Variants in SPNS2 observed in about 807,000 individuals in gnomAD.
SPNS2 encodes sphingosine-1-phosphate transporter SPNS2.
SPNS2 carries 37 observed loss-of-function variants against 57.6 expected under a neutral mutation model. That is an observed-to-expected ratio of 0.64 (90% confidence interval 0.49 to 0.85). The LOEUF is 0.85. Ranked by LOEUF, SPNS2 falls within the 40% of genes least tolerant of loss-of-function variation. The pLI is 0.00. For missense variants in SPNS2, 831 were observed against 779.1 expected, an observed-to-expected ratio of 1.07 and a Z score of -0.79; for synonymous variants, 440 against 346.9, an observed-to-expected ratio of 1.27 and a Z score of -2.98.
rs1905965476 is a variant in SPNS2, at chr17:4,538,069, TCA to T, written c.*623_*624del. The T allele has an allele frequency of 2.9e-6, 1 of 340,302 alleles. No homozygotes were observed. Among genetic ancestry groups the T allele is most frequent in the Non-Finnish European group, 5.9e-6 (1 of 170,906 alleles). 21.1% of individuals were successfully genotyped at this position (340,302 alleles called of 1,614,324 possible). A position where few individuals can be genotyped will look rare whatever the true frequency, so the allele number is the denominator to read the frequency against. On this transcript the variant is annotated 3_prime_UTR_variant, in exon 13 of 13. Transcript: ENST00000329078. ...TGGGTACTCCCTGGAGGACACTGTC[TCA>T]CTGTCTCGGGTTGGCTCCCAGCCTG...
intron 3 of SPNS2, among the ~76,000 whole-genome samples, chr17:4,528,633 T>C (rs1282361429): frequency 6.6e-6 from 1 of 152,008 alleles, no homozygotes; most frequent in Non-Finnish European, 1.5e-5. Flanking sequence ...ACTGCCACCA[T>C]GCCCAGCTAA....
chr17:4,524,938 T>C, intron 2 of SPNS2, 119 bp from the exon 3 acceptor site: 1 of 1,447,866 alleles, frequency 6.9e-7, no homozygotes, highest in Non-Finnish European at 9.3e-7. Flanking sequence ...GTTTCCTCTC[T>C]GGGCTGCTTC....
At chr17:4,536,235 C>T (rs756143017) in intron 10 of SPNS2, 28 bp from the exon 11 acceptor site, 131 of 1,609,768 alleles carry the variant, frequency 8.1e-5, no homozygotes, top group Non-Finnish European at 1.1e-4. Context: ...AGGGCTCTGC[C>T]CTGACATCCA....
chr17:4,515,614 G>A (rs62064923), intron 2 of SPNS2, among the ~76,000 whole-genome samples: 31 of 152,246 alleles, frequency 2.0e-4, no homozygotes, highest in Admixed American at 5.9e-4. Flanking sequence ...GAAGCCAGTC[G>A]AGTAGACCAT....
In SPNS2 at chr17:4,530,883, T is replaced by G. The variant is rs1905436976; in HGVS notation, c.725+100T>G. 7 of 1,504,226 alleles carry G rather than the reference T, an allele frequency of 4.7e-6. No individual in the cohort carries two copies. The East Asian group carries it at 1.6e-4, about 35-fold the overall frequency. The allele number at this position is 1,504,226 out of a possible 1,614,324, so 93.2% of individuals were successfully genotyped here. On this transcript the variant is annotated intron_variant, in intron 4 of 12. Coordinates refer to ENST00000329078, the MANE Select transcript of SPNS2 (RefSeq NM_001124758.3). ...CCTGGGGTTCTAGCCCAGGCAGGCGTCCTCAGAGAGCTAAACATGTGGGCG... is the reference window on the plus strand; with the variant it reads ...CCTGGGGTTCTAGCCCAGGCAGGCGGCCTCAGAGAGCTAAACATGTGGGCG...
rs1904827289 is a variant in SPNS2 at position 4,511,463 on chromosome 17, A to G, written c.371-1784A>G. On this transcript the variant is annotated intron_variant, in intron 1 of 12. Transcript: ENST00000329078. The surrounding 1 kb of genome is among the most constrained non-coding windows in gnomAD (Gnocchi z 4.6). ...GCAGGGCCACACCTTCACCCTGTGAAGTGACTGTGCCACAGAGGGATGGGA... is the reference window on the plus strand; with the variant it reads ...GCAGGGCCACACCTTCACCCTGTGAGGTGACTGTGCCACAGAGGGATGGGA... Among the ~76,000 whole-genome samples, 2 of 152,164 alleles carry G rather than the reference A, an allele frequency of 1.3e-5. No homozygotes were observed. Among genetic ancestry groups the G allele is most frequent in the African/African-American group, 4.8e-5 (2 of 41,434 alleles).
intron 2 of SPNS2, among the ~76,000 whole-genome samples, chr17:4,520,379 G>A (rs192515972): frequency 8.1e-4 from 124 of 152,326 alleles, no homozygotes; most frequent in African/African-American, 2.7e-3. Context: ...GGCAAGAGGA[G>A]AGAATGGAGC....
chr17:4,536,033 A>C (rs749743570), intron 9 of SPNS2, 43 bp from the exon 10 acceptor site: 1 of 1,572,796 alleles, frequency 6.4e-7, no homozygotes. Flanking sequence ...CAAGCGCGTG[A>C]GCCTTTCTCC....
At position 4,498,994 on chromosome 17, in the gene SPNS2, C is replaced by G; in HGVS notation, c.-54C>G. ...GCGGCGCACGCACGCGCTGAGCGGG[C>G]CCAGCCTGGGCCCCGCGCCCCCCGC... On this transcript the variant is annotated 5_prime_UTR_variant, in exon 1 of 13. Transcript: ENST00000329078. 4.1e-6 allele frequency: 4 copies of G among 974,720 alleles called. No homozygotes were observed. The highest frequency in any genetic ancestry group is 1.2e-4 in the Admixed American group (2 of 16,310). The allele number at this position is 974,720 out of a possible 1,614,324, so 60.4% of individuals were successfully genotyped here.
chr17:4,530,958 T>G (rs1597368599), intron 4 of SPNS2, 95 bp from the exon 5 acceptor site: 1 of 1,493,560 alleles, frequency 6.7e-7, no homozygotes, highest in Middle Eastern at 2.0e-4. Flanking sequence ...GCTGGCTGGG[T>G]GGGGAGGGTG....
In SPNS2 at chr17:4,536,188, G is replaced by A. The variant is rs745626563; in HGVS notation, c.1443+14G>A. 1 of 1,610,118 alleles carries A rather than the reference G, an allele frequency of 6.2e-7. No individual in the cohort carries two copies. The highest frequency in any genetic ancestry group is 8.5e-7 in the Non-Finnish European group (1 of 1,178,738). On this transcript the variant is annotated intron_variant, in intron 10 of 12. Transcript: ENST00000329078. ...CTCATTGGCTTTGTGAGTAGCCCCG[G>A]GGTGGGGCTGGCCAGGGCAGGCTGG...
Position 4,538,634 on chromosome 17 carries a change from GGGTGGGGGGTGA to G in SPNS2, c.*1189_*1200del. 8.1e-6 allele frequency: 4 copies of G among 496,764 alleles called. No individual in the cohort carries two copies. The South Asian group carries it at 9.1e-5, about 11-fold the overall frequency. The allele number at this position is 496,764 out of a possible 1,614,324, so 30.8% of individuals were successfully genotyped here. A position where few individuals can be genotyped will look rare whatever the true frequency, so the allele number is the denominator to read the frequency against. On this transcript the variant is annotated 3_prime_UTR_variant, in exon 13 of 13. Coordinates refer to ENST00000329078, the MANE Select transcript of SPNS2 (RefSeq NM_001124758.3). Reference sequence around the variant, plus strand: ...TCAAGGTGGTTCTGGTGCGGGGGTGGGGTGGGGGGTGAGGCCTTGTGGCCAATGGGGGACCCC... The same window carrying G: ...TCAAGGTGGTTCTGGTGCGGGGGTGGGGCCTTGTGGCCAATGGGGGACCCC...
At chr17:4,536,202 A>AG (rs746763727) in intron 10 of SPNS2, 28 bp downstream of exon 10, 33 of 1,607,200 alleles carry the variant, frequency 2.1e-5, no homozygotes, top group South Asian at 8.8e-5. Context: ...GGGGCTGGCC[A>AG]GGGCAGGCTG....
Position 4,538,558 on chromosome 17 carries a change from T to G in SPNS2, c.*1110T>G. ...AACTTCACACCAGCCCCAACCCGCTTTGGGGGAGCTTAGCCCCCTGCGTCA... is the reference window on the plus strand; with the variant it reads ...AACTTCACACCAGCCCCAACCCGCTGTGGGGGAGCTTAGCCCCCTGCGTCA... On this transcript the variant is annotated 3_prime_UTR_variant, in exon 13 of 13. Transcript: ENST00000329078. The G allele has an allele frequency of 2.9e-6, 1 of 348,730 alleles. No individual in the cohort carries two copies. Among genetic ancestry groups the G allele is most frequent in the Non-Finnish European group, 5.3e-6 (1 of 187,104 alleles). 21.6% of individuals were successfully genotyped at this position (348,730 alleles called of 1,614,324 possible). A position where few individuals can be genotyped will look rare whatever the true frequency, so the allele number is the denominator to read the frequency against.
In SPNS2 at chr17:4,511,495, C is replaced by T. The variant is rs1407034302; in HGVS notation, c.371-1752C>T. Among the ~76,000 whole-genome samples, 1 of 152,166 alleles carries T rather than the reference C, an allele frequency of 6.6e-6. No homozygotes were observed. Among genetic ancestry groups the T allele is most frequent in the African/African-American group, 2.4e-5 (1 of 41,430 alleles). The stretch of plus-strand genomic sequence containing the variant: ...GTGCCACAGAGGGATGGGATCAAAC[C>T]TACACATCAGGAGGGGGAACAGAGT... On this transcript the variant is annotated intron_variant, in intron 1 of 12. Coordinates refer to ENST00000329078, the MANE Select transcript of SPNS2 (RefSeq NM_001124758.3). This position sits in a 1 kb window ranked among gnomAD's most constrained non-coding sequence, Gnocchi z 4.6.
At chr17:4,514,577 G>A (rs558890704) in intron 2 of SPNS2, among the ~76,000 whole-genome samples, 1 of 152,316 alleles carries the variant, frequency 6.6e-6, no homozygotes, top group African/African-American at 2.4e-5. Context: ...AGACTTGACT[G>A]TTCTAGGATG....
intron 9 of SPNS2, among the ~76,000 whole-genome samples, chr17:4,535,553 G>A (rs908597113): frequency 2.6e-5 from 4 of 152,216 alleles, no homozygotes; most frequent in African/African-American, 7.2e-5. Context: ...AGCAGGAGCC[G>A]CGCTGGAGAG....
At position 4,531,461 on chromosome 17, in the gene SPNS2, C is replaced by G. The variant is rs1335392750; in HGVS notation, c.792+342C>G. On this transcript the variant is annotated intron_variant, in intron 5 of 12. Coordinates refer to ENST00000329078, the MANE Select transcript of SPNS2 (RefSeq NM_001124758.3). ...ATGGCGGTGCTTCCTGCCTCCAGCC[C>G]TGGCGCTGTGCTAGGGTAAGGCTGG... 2.0e-5 allele frequency among the ~76,000 whole-genome samples: 3 copies of G among 152,290 alleles called. No homozygotes were observed. In the East Asian group the frequency reaches 5.8e-4, roughly 29 times the overall value.
intron 11 of SPNS2, 42 bp downstream of exon 11, chr17:4,536,468 G>A (rs1443331938): frequency 6.4e-7 from 1 of 1,572,554 alleles, no homozygotes; most frequent in Non-Finnish European, 8.6e-7. Context: ...CCGCCGGGAA[G>A]CAGGGACCGT....
Sources: gnomAD v4.1 joint callset for allele counts (sites outside exome capture counted in the v4.1 genomes callset) on GRCh38, gnomAD v4.1.1 for gene constraint, Gnocchi (gnomAD v3.1) non-coding constraint, MANE v1.5 for transcripts, NCBI Gene and HGNC (gene_info 2026-07-23, HGNC 2026-07-21) for gene names.